SV2C: variants seen among roughly 807,000 people sequenced by gnomAD.
SV2C encodes synaptic vesicle glycoprotein 2C.
A neutral mutation model predicts 79.7 loss-of-function variants in SV2C; 49 were observed. That is an observed-to-expected ratio of 0.61 (90% CI 0.49 to 0.78). The LOEUF is 0.78. SV2C is among the 30% of genes least tolerant of loss of function. The probability of loss-of-function intolerance (pLI) is 0.00; values close to 1 mark genes in which losing one functional copy is unlikely to be tolerated. For missense variants in SV2C, 833 were observed against 912.9 expected (o/e 0.91, Z 1.13); for synonymous variants, 334 against 333.2 (o/e 1.00, Z -0.03).
At chr5:76,210,035 C>A in intron 4 of SV2C, 148 bp downstream of exon 4, 1 of 992,410 alleles carries the variant, frequency 1.0e-6, no homozygotes, top group Non-Finnish European at 1.4e-6. Flanking sequence ...GAGTTTTTCC[C>A]CTCTGTGTAG....
chr5:76,127,417 C>T (rs1357935471), intron 1 of SV2C, among the ~76,000 whole-genome samples: 2 of 152,226 alleles, frequency 1.3e-5, no homozygotes, highest in Non-Finnish European at 2.9e-5. Context: ...ATATCACACA[C>T]AATGATTGTG....
the SV2C span, among the ~76,000 whole-genome samples, chr5:75,977,424 T>G: frequency 2.0e-5 from 3 of 152,238 alleles, no homozygotes; most frequent in African/African-American, 7.2e-5. Context: ...TCTCTTGCCT[T>G]TACAGAAAGT....
chr5:76,012,678 C>A, the SV2C span, among the ~76,000 whole-genome samples: 1 of 152,144 alleles, frequency 6.6e-6, no homozygotes, highest in Non-Finnish European at 1.5e-5. Flanking sequence ...GAAGTCTTTG[C>A]CCATGCCTAT....
At chr5:76,313,252 G>A (rs770990541) in intron 12 of SV2C, among the ~76,000 whole-genome samples, 1 of 152,096 alleles carries the variant, frequency 6.6e-6, no homozygotes, top group Non-Finnish European at 1.5e-5. Flanking sequence ...GAAGATTTTG[G>A]TACAGAGGAA....
intron 4 of SV2C, among the ~76,000 whole-genome samples, chr5:76,268,411 C>T (rs148951631): frequency 3.2e-4 from 48 of 152,276 alleles, no homozygotes; most frequent in African/African-American, 1.1e-3. Flanking sequence ...CTGAAGAGAA[C>T]ACTGATTCCC....
At chr5:76,347,791 C>T (rs1749571663) in intron 12 of SV2C, among the ~76,000 whole-genome samples, 1 of 152,140 alleles carries the variant, frequency 6.6e-6, no homozygotes, top group Non-Finnish European at 1.5e-5. Context: ...GTTTTAGGCT[C>T]ATAGTGAAAT....
chr5:76,059,181 T>C, the SV2C span, among the ~76,000 whole-genome samples: 1 of 152,250 alleles, frequency 6.6e-6, no homozygotes, highest in Non-Finnish European at 1.5e-5. Context: ...TGTCTCAATG[T>C]TGATGGCTGC....
At chr5:76,073,501 GTGTATATATA>G in the SV2C span, among the ~76,000 whole-genome samples, 291 of 87,242 alleles carry the variant, frequency 3.3e-3, 5 homozygotes, top group African/African-American at 0.011. Flanking sequence ...ATGTATGTGT[GTGTATATATA>G]TATATATATA....
chr5:76,285,182 T>C lies in SV2C; in HGVS notation c.934T>C (p.Ser312Pro). ...TCCAGGGTGGAGCTTCAGCATGGGA[T>C]CGGCCTACCAGTTTCACAGTTGGCG... The part of the protein sequence containing the change: ...PHYGWSFSMG[S>P]AYQFHSWRVF... The change falls in exon 5 of 13, where the codon TCG (serine) becomes CCG (proline). Residue 312 changes from serine (S) to proline (P), a missense_variant. Coordinates refer to ENST00000502798, the MANE Select transcript of SV2C (RefSeq NM_014979.4). The C allele has an allele frequency of 6.2e-7, 1 of 1,614,192 alleles. No homozygotes were observed. Among genetic ancestry groups the C allele is most frequent in the Non-Finnish European group, 8.5e-7 (1 of 1,180,024 alleles).
At chr5:75,886,743 G>T in the SV2C span, among the ~76,000 whole-genome samples, 5 of 152,182 alleles carry the variant, frequency 3.3e-5, no homozygotes, top group East Asian at 9.7e-4. Flanking sequence ...TTATTACTTG[G>T]TGGTCGAGGG....
At chr5:75,896,445 T>A in the SV2C span, among the ~76,000 whole-genome samples, 5 of 138,048 alleles carry the variant, frequency 3.6e-5, no homozygotes, top group Admixed American at 1.4e-4. Flanking sequence ...TGCCACATTT[T>A]CTTAATCCAG....
chr5:76,244,087 C>G (rs1029464370), intron 4 of SV2C, among the ~76,000 whole-genome samples: 1 of 152,202 alleles, frequency 6.6e-6, no homozygotes, highest in African/African-American at 2.4e-5. Flanking sequence ...TAGCTCCTTA[C>G]ACTGATTTAT....
chr5:76,315,186 G>GCACA (rs1491124647), intron 12 of SV2C, among the ~76,000 whole-genome samples: 1 of 125,124 alleles, frequency 8.0e-6, no homozygotes, highest in South Asian at 2.6e-4. Context: ...ACATGGCCAG[G>GCACA]CGCACACACA....
At chr5:76,350,879 T>C (rs748585760) in intron 12 of SV2C, among the ~76,000 whole-genome samples, 15 of 152,082 alleles carry the variant, frequency 9.9e-5, no homozygotes, top group Non-Finnish European at 1.9e-4. Flanking sequence ...CCAGGTGTGG[T>C]GGCACATGCT....
At chr5:76,175,795 T>G (rs895463916) in intron 2 of SV2C, among the ~76,000 whole-genome samples, 1 of 151,898 alleles carries the variant, frequency 6.6e-6, no homozygotes, top group Non-Finnish European at 1.5e-5. Context: ...CAAGTCAGAG[T>G]CTGTTTGGGA....
the SV2C span, among the ~76,000 whole-genome samples, chr5:75,852,266 A>G: frequency 6.6e-6 from 1 of 152,164 alleles, no homozygotes; most frequent in Non-Finnish European, 1.5e-5. Context: ...ATACCTATGT[A>G]ACAAACCTGC....
chr5:76,125,655 G>A (rs996364039), intron 1 of SV2C, among the ~76,000 whole-genome samples: 16 of 152,136 alleles, frequency 1.1e-4, no homozygotes, highest in African/African-American at 3.1e-4. Context: ...TACTTTATAG[G>A]ACCACAAGGT....
the SV2C span, among the ~76,000 whole-genome samples, chr5:76,008,076 G>C: frequency 2.0e-5 from 3 of 152,134 alleles, no homozygotes; most frequent in Non-Finnish European, 2.9e-5. Flanking sequence ...AGTTTCAGCA[G>C]AGTCAAAAGC....
chr5:76,162,966 G>A lies in SV2C; in HGVS notation c.580+30636G>A, dbSNP rs1193552312. 2.6e-5 allele frequency among the ~76,000 whole-genome samples: 4 copies of A among 152,186 alleles called. No homozygotes were observed. In the East Asian group the frequency reaches 7.7e-4, roughly 29 times the overall value. ...TCCAAAATGAAGAGACTCTGATGAA[G>A]CCCTTTATATCATGGAGCACATATT... On this transcript the variant is annotated intron_variant, in intron 2 of 12. Transcript: ENST00000502798.
Sources: allele counts gnomAD v4.1 joint callset (sites outside exome capture counted in the v4.1 genomes callset), GRCh38; gene constraint gnomAD v4.1.1; transcripts MANE v1.5; gene names NCBI Gene and HGNC (gene_info 2026-07-23, HGNC 2026-07-21).